VDAC1: variants seen among roughly 807,000 people sequenced by gnomAD.
VDAC1 encodes the protein voltage dependent anion channel 1.
In VDAC1, 10 loss-of-function variants were observed where a neutral mutation model predicts 34.7. That is an observed-to-expected ratio of 0.29 (90% confidence interval 0.18 to 0.49). The LOEUF is 0.49. Ranked by LOEUF, VDAC1 falls within the 20% of genes least tolerant of loss-of-function variation. VDAC1 has a pLI of 0.99. For missense variants in VDAC1, 230 were observed against 347.9 expected (o/e 0.66, Z 2.69); for synonymous variants, 130 against 136.0 (o/e 0.96, Z 0.30).
chr5:134,101,719 C>T, the VDAC1 span, among the ~76,000 whole-genome samples: 2 of 152,208 alleles, frequency 1.3e-5, no homozygotes, highest in African/African-American at 4.8e-5. Context: ...GGTCGGGACT[C>T]CTGACTGCTG....
At chr5:134,002,735 C>T (rs1413668806) in intron 1 of VDAC1, among the ~76,000 whole-genome samples, 2 of 152,014 alleles carry the variant, frequency 1.3e-5, no homozygotes, top group Non-Finnish European at 2.9e-5. Flanking sequence ...GAGGCGGAGG[C>T]GGGTGGATTG....
the VDAC1 span, among the ~76,000 whole-genome samples, chr5:134,093,795 ACT>A: frequency 2.0e-5 from 3 of 152,000 alleles, no homozygotes; most frequent in South Asian, 6.2e-4. Context: ...CGAGGGTACC[ACT>A]CTCTGCTGCC....
At chr5:134,016,757 G>C in the VDAC1 span, among the ~76,000 whole-genome samples, 1 of 152,232 alleles carries the variant, frequency 6.6e-6, no homozygotes, top group Non-Finnish European at 1.5e-5. Context: ...CTGGCATCTT[G>C]GTGCCAGCCT....
At chr5:134,033,345 A>G in the VDAC1 span, among the ~76,000 whole-genome samples, 2 of 151,404 alleles carry the variant, frequency 1.3e-5, no homozygotes, top group African/African-American at 4.8e-5. Context: ...TTTAATAGAG[A>G]CGGGGTTTCA....
At chr5:133,997,300 A>C (rs1461807310) in intron 1 of VDAC1, among the ~76,000 whole-genome samples, 2 of 152,224 alleles carry the variant, frequency 1.3e-5, no homozygotes, top group African/African-American at 2.4e-5. Flanking sequence ...TCACTGCAGC[A>C]GTATTTGTAA....
At chr5:134,093,641 C>G in the VDAC1 span, among the ~76,000 whole-genome samples, 1 of 152,176 alleles carries the variant, frequency 6.6e-6, no homozygotes, top group African/African-American at 2.4e-5. Flanking sequence ...GCACTGGTGT[C>G]AAGAGCGTGA....
chr5:134,052,020 C>A, the VDAC1 span, among the ~76,000 whole-genome samples: 1 of 152,084 alleles, frequency 6.6e-6, no homozygotes, highest in Non-Finnish European at 1.5e-5. Flanking sequence ...CTGAAGGAAT[C>A]TGAGCAACAG....
the VDAC1 span, among the ~76,000 whole-genome samples, chr5:134,018,639 T>C: frequency 6.6e-6 from 1 of 152,096 alleles, no homozygotes; most frequent in South Asian, 2.1e-4. Context: ...CAGAAGGTAA[T>C]CTCTAAGCCC....
At chr5:134,112,781 T>A in the VDAC1 span, among the ~76,000 whole-genome samples, 1 of 152,198 alleles carries the variant, frequency 6.6e-6, no homozygotes, top group Non-Finnish European at 1.5e-5. Context: ...GTTTTAACCT[T>A]ATTGAGAAAA....
chr5:134,111,780 T>C, the VDAC1 span, among the ~76,000 whole-genome samples: 3 of 152,302 alleles, frequency 2.0e-5, no homozygotes, highest in Non-Finnish European at 4.4e-5. Context: ...AATTTTATAA[T>C]GGAACACTAG....
At chr5:134,055,578 C>T in the VDAC1 span, among the ~76,000 whole-genome samples, 8 of 128,256 alleles carry the variant, frequency 6.2e-5, no homozygotes, top group East Asian at 2.2e-3. Context: ...CGCCACCACG[C>T]CCCGCTAATG....
chr5:134,084,830 G>C, the VDAC1 span, among the ~76,000 whole-genome samples: 6 of 152,212 alleles, frequency 3.9e-5, no homozygotes, highest in African/African-American at 1.4e-4. Flanking sequence ...TGTCACGCCT[G>C]GCAGAGACCC....
the VDAC1 span, among the ~76,000 whole-genome samples, chr5:134,097,269 C>T: frequency 6.6e-6 from 1 of 152,038 alleles, no homozygotes; most frequent in Admixed American, 6.5e-5. Context: ...AATTAATTTA[C>T]AATAAAAGAA....
chr5:134,009,343 C>T (rs1009831635), upstream of VDAC1, among the ~76,000 whole-genome samples: 3 of 149,488 alleles, frequency 2.0e-5, no homozygotes, highest in African/African-American at 7.4e-5. Context: ...GCAACCTCCG[C>T]CTCCCAGGTC....
At chr5:134,052,230 C>G in the VDAC1 span, among the ~76,000 whole-genome samples, 5 of 152,166 alleles carry the variant, frequency 3.3e-5, no homozygotes, top group Admixed American at 1.3e-4. Context: ...TTTGTCCTGT[C>G]ACCTTTTCCC....
chr5:134,021,157 C>T, the VDAC1 span, among the ~76,000 whole-genome samples: 2 of 151,962 alleles, frequency 1.3e-5, no homozygotes, highest in Non-Finnish European at 2.9e-5. Context: ...CCACTGCACT[C>T]CAGCCTGCGT....
chr5:134,027,767 CTTTTTT>C, the VDAC1 span, among the ~76,000 whole-genome samples: 62 of 120,650 alleles, frequency 5.1e-4, no homozygotes, highest in African/African-American at 1.8e-3. Context: ...ATCTTGCCTA[CTTTTTT>C]TTTTTTTTTT....
chr5:134,007,848 C>T (rs999521393), upstream of VDAC1, among the ~76,000 whole-genome samples: 10 of 152,120 alleles, frequency 6.6e-5, no homozygotes, highest in African/African-American at 2.4e-4. Context: ...GCGTGGGTTT[C>T]CCTGTTCCAC....
At chr5:134,059,554 G>A in the VDAC1 span, among the ~76,000 whole-genome samples, 62 of 152,142 alleles carry the variant, frequency 4.1e-4, 1 homozygote, top group Middle Eastern at 0.02. Context: ...AGCCCGTCGC[G>A]CTGTTTCATG....
Sources: allele counts gnomAD v4.1 joint callset (sites outside exome capture counted in the v4.1 genomes callset), GRCh38; gene constraint gnomAD v4.1.1; transcripts MANE v1.5; gene names NCBI Gene and HGNC (gene_info 2026-07-23, HGNC 2026-07-21).